Variants in C3orf33 observed in about 807,000 individuals in gnomAD.
The protein encoded by C3orf33 is mitochondrial inner membrane subdomain organizer 1.
In C3orf33, 23 loss-of-function variants were observed where a neutral mutation model predicts 28.7. The ratio of observed to expected loss-of-function variants is 0.80; its 90% CI spans 0.58 to 1.13. The LOEUF is 1.13. C3orf33 is among the 50% of genes most tolerant of loss of function. The pLI is 0.00. For missense variants in C3orf33, 327 were observed against 353.4 expected, an observed-to-expected ratio of 0.93 and a Z score of 0.60; for synonymous variants, 119 against 120.5, an observed-to-expected ratio of 0.99 and a Z score of 0.08.
intron 2 of C3orf33, among the ~76,000 whole-genome samples, chr3:155,799,637 C>T (rs1751581937): frequency 6.6e-6 from 1 of 152,138 alleles, no homozygotes; most frequent in African/African-American, 2.4e-5. Context: ...TGCAGTGAGT[C>T]ATGATCACAC....
intron 1 of C3orf33, chr3:155,805,591 C>G: frequency 3.4e-6 from 1 of 291,912 alleles, no homozygotes; most frequent in South Asian, 1.7e-5. Flanking sequence ...GGGTAGCGCA[C>G]GCAACCTGTG....
intron 2 of C3orf33, among the ~76,000 whole-genome samples, chr3:155,801,898 C>G (rs559994488): frequency 1.2e-4 from 19 of 152,130 alleles, no homozygotes; most frequent in African/African-American, 4.6e-4. Context: ...TTACAGGTGC[C>G]TGCCACCACA....
chr3:155,794,477 G>A (rs1751422719), intron 2 of C3orf33, among the ~76,000 whole-genome samples: 1 of 151,468 alleles, frequency 6.6e-6, no homozygotes, highest in African/African-American at 2.4e-5. Flanking sequence ...AAAAGGAAGA[G>A]AAGACCACAA....
intron 2 of C3orf33, among the ~76,000 whole-genome samples, chr3:155,787,053 A>T (rs183363957): frequency 1.3e-5 from 2 of 152,340 alleles, no homozygotes; most frequent in Admixed American, 1.3e-4. Flanking sequence ...ATTAAAGAGA[A>T]GAGAATACTT....
intron 3 of C3orf33, among the ~76,000 whole-genome samples, chr3:155,772,607 A>C (rs1013779183): frequency 2.6e-5 from 4 of 151,618 alleles, no homozygotes; most frequent in Non-Finnish European, 5.9e-5. Flanking sequence ...CAGGGATGAG[A>C]AGCTTTGAAT....
chr3:155,780,013 T>C (rs1199100654), intron 2 of C3orf33, among the ~76,000 whole-genome samples: 1 of 152,172 alleles, frequency 6.6e-6, no homozygotes, highest in Non-Finnish European at 1.5e-5. Context: ...GCAGGGACTA[T>C]TTGGAAGACG....
chr3:155,792,190 A>C (rs1038678604), intron 2 of C3orf33, among the ~76,000 whole-genome samples: 15 of 152,182 alleles, frequency 9.9e-5, no homozygotes, highest in Admixed American at 8.5e-4. Context: ...CTGCCTGGTA[A>C]TCCAGAGAAT....
At chr3:155,779,981 A>G (rs1316153311) in intron 2 of C3orf33, among the ~76,000 whole-genome samples, 1 of 152,256 alleles carries the variant, frequency 6.6e-6, no homozygotes, top group Non-Finnish European at 1.5e-5. Flanking sequence ...CACAAAGCTC[A>G]AAGCTGTGCT....
In C3orf33 at chr3:155,782,549, G is replaced by A. The variant is rs192920091; in HGVS notation, c.175-6701C>T. Among the ~76,000 whole-genome samples the A allele has an allele frequency of 2.6e-5, 4 of 152,320 alleles. No individual in the cohort carries two copies. The East Asian group carries it at 7.7e-4, about 29-fold the overall frequency. ...AGGATCCTTAATAAGATTATCTGCA[G>A]ATCTCTCATCAGAAACTTTGGAGGC... On this transcript the variant is annotated intron_variant, in intron 2 of 4. Transcript: ENST00000340171.
chr3:155,790,596 C>A (rs1193238855), intron 2 of C3orf33, among the ~76,000 whole-genome samples: 1 of 152,200 alleles, frequency 6.6e-6, no homozygotes, highest in Non-Finnish European at 1.5e-5. Context: ...ACTGCTGATG[C>A]AACCCCTCCC....
chr3:155,773,230 C>T (rs1052148157), intron 3 of C3orf33, among the ~76,000 whole-genome samples: 3 of 152,216 alleles, frequency 2.0e-5, no homozygotes, highest in Admixed American at 6.5e-5. Flanking sequence ...TAGCAACTTT[C>T]TAGCTCTAAA....
intron 2 of C3orf33, among the ~76,000 whole-genome samples, chr3:155,783,467 A>ATTTTTT (rs57517417): frequency 3.7e-5 from 5 of 134,188 alleles, no homozygotes; most frequent in Non-Finnish European, 4.7e-5. Context: ...CCTGTACTAC[A>ATTTTTT]TTTTTTTTTT....
chr3:155,774,989 G>T (rs1389072460), intron 3 of C3orf33, among the ~76,000 whole-genome samples: 1 of 152,074 alleles, frequency 6.6e-6, no homozygotes, highest in Non-Finnish European at 1.5e-5. Flanking sequence ...AGACCACCCA[G>T]AATTATCCTA....
intron 3 of C3orf33, among the ~76,000 whole-genome samples, chr3:155,772,526 A>G (rs1360702812): frequency 1.3e-5 from 2 of 152,058 alleles, no homozygotes; most frequent in Non-Finnish European, 2.9e-5. Flanking sequence ...CAACTTCATG[A>G]GACACATGAA....
intron 3 of C3orf33, among the ~76,000 whole-genome samples, chr3:155,771,350 T>C (rs1199221863): frequency 6.6e-6 from 1 of 152,166 alleles, no homozygotes; most frequent in Non-Finnish European, 1.5e-5. Context: ...GTCACAATCT[T>C]GACTCACTGC....
chr3:155,797,802 G>A (rs1481886808), intron 2 of C3orf33, among the ~76,000 whole-genome samples: 1 of 152,196 alleles, frequency 6.6e-6, no homozygotes, highest in Non-Finnish European at 1.5e-5. Flanking sequence ...TGGGCACAGT[G>A]GCTCATGCCT....
intron 2 of C3orf33, among the ~76,000 whole-genome samples, chr3:155,780,290 A>G (rs1750879521): frequency 6.6e-6 from 1 of 152,202 alleles, no homozygotes; most frequent in Non-Finnish European, 1.5e-5. Context: ...AAAAAAATAA[A>G]TGCTGGAAGC....
rs58890324 is a variant in C3orf33, at chr3:155,782,166, T to TAAA, written c.175-6321_175-6319dup. ...CTGGGCGACAAAGCAAGACTCCGTC[T>TAAA]AAAAAAAAAAAAAAAAGATAAATTA... is the stretch of plus-strand genomic sequence containing the variant. On this transcript the variant is annotated intron_variant, in intron 2 of 4. Transcript: ENST00000340171. Among the ~76,000 whole-genome samples, 134 of 96,254 alleles carry TAAA rather than the reference T, an allele frequency of 1.4e-3. 1 individual carries two copies. Among genetic ancestry groups the TAAA allele is most frequent in the African/African-American group, 5.0e-3 (130 of 26,188 alleles). 63.1% of individuals were successfully genotyped at this position (96,254 alleles called of 152,430 possible). A position where few individuals can be genotyped will look rare whatever the true frequency, so the allele number is the denominator to read the frequency against.
intron 2 of C3orf33, among the ~76,000 whole-genome samples, chr3:155,779,251 T>C (rs983450842): frequency 3.9e-5 from 6 of 152,116 alleles, no homozygotes; most frequent in African/African-American, 1.4e-4. Context: ...AGACAGATTG[T>C]CCTAAAGCAG....
Sources: allele counts gnomAD v4.1 joint callset (sites outside exome capture counted in the v4.1 genomes callset), GRCh38; gene constraint gnomAD v4.1.1; transcripts MANE v1.5; gene names NCBI Gene and HGNC (gene_info 2026-07-23, HGNC 2026-07-21).